Variants in ZDBF2 observed in about 807,000 individuals in gnomAD.
The protein encoded by ZDBF2 is zinc finger DBF-type containing 2.
A neutral mutation model predicts 9.4 loss-of-function variants in ZDBF2; 6 were observed. That is an observed-to-expected ratio of 0.64 (90% CI 0.35 to 1.27). The LOEUF (loss-of-function observed/expected upper bound fraction) is 1.27. ZDBF2 is among the 50% of genes most tolerant of loss of function. The pLI is 0.03. For synonymous variants in ZDBF2, 905 were observed against 946.3 expected, an observed-to-expected ratio of 0.96 and a Z score of 0.80; for missense variants, 2,697 against 2,766.8, an observed-to-expected ratio of 0.97 and a Z score of 0.57.
rs1692815044 is a variant in ZDBF2 at position 206,306,608 on chromosome 2, C to T, written c.2080C>T (p.Leu694Phe). Residue 694 changes from leucine (L) to phenylalanine (F), a missense_variant, in exon 5 of 5, where the codon CTT (leucine) becomes TTT (phenylalanine). This residue lies in a region of ZDBF2 where 910 missense variants were observed against 973.6 expected (regional missense o/e 0.93). Transcript: ENST00000374423. Reference protein sequence around the residue: ...EIERQKVDVDLENKSVQSSRS... With the variant: ...EIERQKVDVDFENKSVQSSRS... ...AGAGCGTCAGAAAGTGGATGTTGAC[C>T]TTGAGAATAAGAGTGTTCAGTCTAG... 3 of 1,613,698 alleles carry T rather than the reference C, an allele frequency of 1.9e-6. No individual in the cohort carries two copies. Among genetic ancestry groups the T allele is most frequent in the Middle Eastern group, 1.6e-4 (1 of 6,062 alleles).
chr2:206,308,132 G>T lies in ZDBF2; in HGVS notation c.3604G>T (p.Asp1202Tyr). 1.9e-6 allele frequency: 3 copies of T among 1,613,974 alleles called. No individual in the cohort carries two copies. Among genetic ancestry groups the T allele is most frequent in the Non-Finnish European group, 2.5e-6 (3 of 1,179,846 alleles). Residue 1202 changes from aspartate to tyrosine, a missense_variant, in exon 5 of 5, where the codon GAT (aspartate) becomes TAT (tyrosine). By Grantham distance (160) the Asp-to-Tyr change is radical. Transcript: ENST00000374423. Reference sequence around the variant, plus strand: ...ATGTTGTGGTTCTGAAGTAAGTTTTGATTCTGATGACCCTCTTCAGTCAGT... The same window carrying T: ...ATGTTGTGGTTCTGAAGTAAGTTTTTATTCTGATGACCCTCTTCAGTCAGT... ...NQCCGSEVSF[D>Y]SDDPLQSVAD...
intron 4 of ZDBF2, among the ~76,000 whole-genome samples, chr2:206,297,771 C>G (rs1326164315): frequency 6.6e-6 from 1 of 152,130 alleles, no homozygotes; most frequent in East Asian, 1.9e-4. Context: ...CCTCCACCAC[C>G]CAGGTTCAAG....
Position 206,306,686 on chromosome 2 carries a change from G to T in ZDBF2, c.2158G>T (p.Asp720Tyr). 6.2e-7 allele frequency: 1 copy of T among 1,613,772 alleles called. No homozygotes were observed. The highest frequency in any genetic ancestry group is 8.5e-7 in the Non-Finnish European group (1 of 1,179,766). The change falls in exon 5 of 5, where the codon GAT becomes TAT. Residue 720 changes from aspartate (D) to tyrosine (Y), a missense_variant. Asp to Tyr is a radical substitution (Grantham distance 160). Around this residue, in one of 3 missense-constraint regions of ZDBF2, gnomAD observed 910 missense variants for 973.6 expected, o/e 0.93. Transcript: ENST00000374423. ...GGCTTCTCTTTATCATTCAGCTCATGATGAGCCTCAAGAAGCTTTGGATGA... is the reference window on the plus strand; with the variant it reads ...GGCTTCTCTTTATCATTCAGCTCATTATGAGCCTCAAGAAGCTTTGGATGA... The part of the protein sequence containing the change: ...SPASLYHSAH[D>Y]EPQEALDEVN...
Position 206,311,194 on chromosome 2 carries a change from C to G in ZDBF2, c.6666C>G (p.Ile2222Met). ...GGATTCGGACCAAACCAAGTGATAT[C>G]ATTAGAAAGTATATTTCGAAATACT... ...SIWIRTKPSDIIRKYISKYSV... is the reference protein window; with the variant it reads ...SIWIRTKPSDMIRKYISKYSV... Residue 2222 changes from isoleucine to methionine, a missense_variant, in exon 5 of 5, where the codon ATC becomes ATG. Transcript: ENST00000374423. 1.2e-6 allele frequency: 2 copies of G among 1,612,584 alleles called. No homozygotes were observed. Among genetic ancestry groups the G allele is most frequent in the Non-Finnish European group, 1.7e-6 (2 of 1,179,536 alleles).
intron 3 of ZDBF2, among the ~76,000 whole-genome samples, chr2:206,286,481 T>C (rs1691605521): frequency 6.6e-6 from 1 of 152,158 alleles, no homozygotes; most frequent in Non-Finnish European, 1.5e-5. Flanking sequence ...CTATCATAAA[T>C]GTAGCTACTC....
chr2:206,309,072 G>C lies in ZDBF2; in HGVS notation c.4544G>C (p.Gly1515Ala). The change falls in exon 5 of 5, where the codon GGA becomes GCA. Residue 1515 changes from glycine to alanine, a missense_variant. Around this residue, in one of 3 missense-constraint regions of ZDBF2, gnomAD observed 1,783 missense variants for 1,776.5 expected, o/e 1.00. Coordinates refer to ENST00000374423, the MANE Select transcript of ZDBF2 (RefSeq NM_020923.3). ...PFQIVVNQFPGSVKETHLPKV... is the reference protein window; with the variant it reads ...PFQIVVNQFPASVKETHLPKV... ...CAAATAGTAGTTAACCAATTTCCAG[G>C]ATCAGTCAAAGAAACCCACCTTCCA... The C allele has an allele frequency of 6.2e-7, 1 of 1,613,818 alleles. No individual in the cohort carries two copies. The highest frequency in any genetic ancestry group is 8.5e-7 in the Non-Finnish European group (1 of 1,179,840).
chr2:206,301,836 C>T (rs12694052), intron 4 of ZDBF2, among the ~76,000 whole-genome samples: 84,247 of 151,560 alleles, frequency 0.56, 23,852 homozygotes, highest in Admixed American at 0.61. Flanking sequence ...TGGTTGTTAT[C>T]TTTTTCGTCT....
At chr2:206,304,181 C>A (rs1251190108) in intron 4 of ZDBF2, among the ~76,000 whole-genome samples, 1 of 152,124 alleles carries the variant, frequency 6.6e-6, no homozygotes, top group Non-Finnish European at 1.5e-5. Flanking sequence ...GATCTATATT[C>A]CTATGAACAA....
In ZDBF2 at chr2:206,305,892, A is replaced by G. The variant is rs1392086508; in HGVS notation, c.1364A>G (p.Asp455Gly). 1.9e-6 allele frequency: 3 copies of G among 1,613,368 alleles called. No individual in the cohort carries two copies. Among genetic ancestry groups the G allele is most frequent in the Non-Finnish European group, 2.5e-6 (3 of 1,179,636 alleles). ...SYVSKISSDCDDILHLVTNQS... is the reference protein window; with the variant it reads ...SYVSKISSDCGDILHLVTNQS... ...GTTTCTAAAATAAGTTCTGATTGTG[A>G]TGACATTCTTCACTTGGTTACCAAC... Residue 455 changes from aspartate (D) to glycine (G), a missense_variant, in exon 5 of 5, where the codon GAT (aspartate) becomes GGT (glycine). Around this residue, in one of 3 missense-constraint regions of ZDBF2, gnomAD observed 910 missense variants for 973.6 expected, o/e 0.93. Transcript: ENST00000374423.
chr2:206,275,116 C>T (rs1178399858), intron 1 of ZDBF2, among the ~76,000 whole-genome samples, 170 bp downstream of exon 1: 1 of 152,092 alleles, frequency 6.6e-6, no homozygotes, highest in Non-Finnish European at 1.5e-5. Context: ...CCCTTTCTGC[C>T]CCTGCTGCGT....
rs1301382687 is a variant in ZDBF2 at position 206,309,573 on chromosome 2, A to G, written c.5045A>G (p.Lys1682Arg). 3 of 1,613,854 alleles carry G rather than the reference A, an allele frequency of 1.9e-6. No homozygotes were observed. Among genetic ancestry groups the G allele is most frequent in the Non-Finnish European group, 2.5e-6 (3 of 1,179,892 alleles). ...CATCGAACGACTCACCGACTGCAGAAAGCTCACAAAGAAGCCAGTCTTCGG... is the reference window on the plus strand; with the variant it reads ...CATCGAACGACTCACCGACTGCAGAGAGCTCACAAAGAAGCCAGTCTTCGG... ...TSHRTTHRLQ[K>R]AHKEASLRKD... Residue 1682 changes from lysine to arginine, a missense_variant, in exon 5 of 5, where the codon AAA becomes AGA. By Grantham distance (26) the Lys-to-Arg change is conservative (BLOSUM62 2). Transcript: ENST00000374423.
chr2:206,275,542 TA>T (rs372399605), intron 1 of ZDBF2, among the ~76,000 whole-genome samples: 4 of 152,344 alleles, frequency 2.6e-5, no homozygotes, highest in African/African-American at 9.6e-5. Flanking sequence ...TACTTGCTCC[TA>T]AGAAGGGCCT....
intron 1 of ZDBF2, among the ~76,000 whole-genome samples, chr2:206,278,198 A>G (rs1248077638): frequency 1.3e-5 from 2 of 152,192 alleles, no homozygotes; most frequent in Admixed American, 1.3e-4. Flanking sequence ...TAATTGTACT[A>G]TTATAAATGC....
In ZDBF2 at chr2:206,314,387, G is replaced by A. The variant is rs979378268; in HGVS notation, c.*2794G>A. ...ATATTGCAGTGTAAAAGCTAAACTT[G>A]TTTTTGATGTTATCAAGATAAAATT... On this transcript the variant is annotated 3_prime_UTR_variant, in exon 5 of 5. Transcript: ENST00000374423. 2 of 149,622 alleles carry A rather than the reference G, an allele frequency of 1.3e-5. No individual in the cohort carries two copies. Among genetic ancestry groups the A allele is most frequent in the Admixed American group, 6.8e-5 (1 of 14,788 alleles). The allele number at this position is 149,622 out of a possible 1,614,324, so 9.3% of individuals were successfully genotyped here. A position where few individuals can be genotyped will look rare whatever the true frequency, so the allele number is the denominator to read the frequency against.
Position 206,306,936 on chromosome 2 carries a change from A to T in ZDBF2, c.2408A>T (p.Asp803Val), listed in dbSNP as rs774864657. The change falls in exon 5 of 5, where the codon GAC (aspartate) becomes GTC (valine). Residue 803 changes from aspartate to valine, a missense_variant. This residue lies in a region of ZDBF2 where 910 missense variants were observed against 973.6 expected (regional missense o/e 0.93). Coordinates refer to ENST00000374423, the MANE Select transcript of ZDBF2 (RefSeq NM_020923.3). ...DSDIPLYSVI[D>V]QPEVAVYEEE... ...GATATTCCTCTTTATTCAGTAATTG[A>T]CCAACCTGAAGTAGCTGTTTATGAG... The T allele has an allele frequency of 6.2e-7, 1 of 1,613,756 alleles. No homozygotes were observed. The highest frequency in any genetic ancestry group is 8.5e-7 in the Non-Finnish European group (1 of 1,179,770).
chr2:206,309,988 G>T lies in ZDBF2; in HGVS notation c.5460G>T (p.Leu1820Phe). Residue 1820 changes from leucine to phenylalanine, a missense_variant, in exon 5 of 5, where the codon TTG (leucine) becomes TTT (phenylalanine). By Grantham distance (22) the Leu-to-Phe change is conservative. Coordinates refer to ENST00000374423, the MANE Select transcript of ZDBF2 (RefSeq NM_020923.3). ...CTGATGAACCAGTTCTTGAAGCCTTGCCTCATGTACCTCCTTCATTTGTGG... is the reference window on the plus strand; with the variant it reads ...CTGATGAACCAGTTCTTGAAGCCTTTCCTCATGTACCTCCTTCATTTGTGG... ...DNPDEPVLEA[L>F]PHVPPSFVGK... 1 of 1,612,988 alleles carries T rather than the reference G, an allele frequency of 6.2e-7. No homozygotes were observed. Among genetic ancestry groups the T allele is most frequent in the Non-Finnish European group, 8.5e-7 (1 of 1,179,634 alleles).
At chr2:206,275,559 G>T (rs953595238) in intron 1 of ZDBF2, among the ~76,000 whole-genome samples, 1 of 152,188 alleles carries the variant, frequency 6.6e-6, no homozygotes, top group Non-Finnish European at 1.5e-5. Context: ...GGCCTTACCA[G>T]CTCCTGCGAT....
chr2:206,306,533 G>C lies in ZDBF2; in HGVS notation c.2005G>C (p.Gly669Arg), dbSNP rs1692809862. The change falls in exon 5 of 5, where the codon GGT becomes CGT. Residue 669 changes from glycine to arginine, a missense_variant. Coordinates refer to ENST00000374423, the MANE Select transcript of ZDBF2 (RefSeq NM_020923.3). ...MNCESHGPEM[G>R]FQADAQLADQ... ...CTGTGAATCCCATGGTCCTGAAATG[G>C]GTTTTCAGGCTGATGCTCAATTAGC... The C allele has an allele frequency of 1.2e-6, 2 of 1,613,662 alleles. No individual in the cohort carries two copies. The highest frequency in any genetic ancestry group is 1.7e-5 in the Admixed American group (1 of 59,954).
rs373555438 is a variant in ZDBF2, at chr2:206,305,050, A to G, written c.522A>G (p.Arg174=). 1 of 1,613,768 alleles carries G rather than the reference A, an allele frequency of 6.2e-7. No homozygotes were observed. The highest frequency in any genetic ancestry group is 8.5e-7 in the Non-Finnish European group (1 of 1,179,786). ...LVDIGQATNN[R]SNLVRPPVIC... is the part of the protein sequence containing the mutation. ...ATATTGGTCAGGCTACAAATAATAG[A>G]AGCAACTTGGTACGCCCCCCAGTGA... Residue 174 remains arginine (R), a synonymous_variant, in exon 5 of 5, where the codon AGA becomes AGG. Coordinates refer to ENST00000374423, the MANE Select transcript of ZDBF2 (RefSeq NM_020923.3).
Sources: gnomAD v4.1 joint callset for allele counts (sites outside exome capture counted in the v4.1 genomes callset) on GRCh38, gnomAD v4.1.1 for gene constraint, gnomAD v4.1.1 regional missense constraint, MANE v1.5 for transcripts, NCBI Gene and HGNC (gene_info 2026-07-23, HGNC 2026-07-21) for gene names.